The following MALRD1 variants were observed in gnomAD, a reference collection of about 807,000 sequenced individuals.
MALRD1 encodes MAM and LDL receptor class A domain containing 1, also known as MAM and LDL-receptor class A domain-containing protein 1.
Under a neutral mutation model 242.1 loss-of-function variants are expected in MALRD1, and 247 were observed. That is an observed-to-expected ratio of 1.02 (90% confidence interval 0.92 to 1.13). The LOEUF (loss-of-function observed/expected upper bound fraction) is 1.13. Ranked by LOEUF, MALRD1 falls within the 50% of genes most tolerant of loss-of-function variation. The pLI is 0.00. For missense variants in MALRD1, 2,989 were observed against 2,533.1 expected (o/e 1.18, Z -3.86); for synonymous variants, 995 against 866.6 (o/e 1.15, Z -2.60).
intron 5 of MALRD1, among the ~76,000 whole-genome samples, chr10:19,121,594 G>A (rs541436365): frequency 6.8e-6 from 1 of 146,360 alleles, no homozygotes; most frequent in South Asian, 2.2e-4. Context: ...ATCTTGTAGA[G>A]AAAGAGAACA....
chr10:19,683,476 A>C (rs1842457331), intron 36 of MALRD1, among the ~76,000 whole-genome samples: 1 of 152,188 alleles, frequency 6.6e-6, no homozygotes, highest in African/African-American at 2.4e-5. Context: ...GCAGTTCGTA[A>C]ATAGGAAACT....
At chr10:19,237,928 G>GAGTTTTATATAGTTATATACATTATAAA (rs1564491278) in intron 18 of MALRD1, among the ~76,000 whole-genome samples, 1 of 40,088 alleles carries the variant, frequency 2.5e-5, no homozygotes, top group Admixed American at 3.4e-4. Context: ...ATAATTATAT[G>GAGTTTTATATAGTTATATACATTATAAA]TAATTTTATA....
intron 38 of MALRD1, among the ~76,000 whole-genome samples, chr10:19,720,396 A>T (rs1334453385): frequency 6.6e-6 from 1 of 152,194 alleles, no homozygotes; most frequent in Non-Finnish European, 1.5e-5. Flanking sequence ...TTGTTACATT[A>T]GATTACAGTA....
At chr10:19,223,180 G>A (rs1353011402) in intron 18 of MALRD1, among the ~76,000 whole-genome samples, 1 of 152,078 alleles carries the variant, frequency 6.6e-6, no homozygotes, top group Non-Finnish European at 1.5e-5. Flanking sequence ...ATAAAATATT[G>A]TAGTTGATTA....
chr10:19,155,180 A>G lies in MALRD1; in HGVS notation c.1656+8A>G. ...GCCTCTACCCCATGTCAGGTAATCAACTGTTCTGAATTTCCACTGGCCATT... is the reference window on the plus strand; with the variant it reads ...GCCTCTACCCCATGTCAGGTAATCAGCTGTTCTGAATTTCCACTGGCCATT... On this transcript the variant is annotated splice_region_variant and intron_variant, in intron 12 of 39. Coordinates refer to ENST00000454679, the MANE Select transcript of MALRD1 (RefSeq NM_001142308.3). 2 of 1,228,960 alleles carry G rather than the reference A, an allele frequency of 1.6e-6. No homozygotes were observed. Among genetic ancestry groups the G allele is most frequent in the Non-Finnish European group, 2.0e-6 (2 of 985,524 alleles). 76.1% of individuals were successfully genotyped at this position (1,228,960 alleles called of 1,614,324 possible).
At chr10:19,670,877 TC>T (rs1841884937) in intron 36 of MALRD1, among the ~76,000 whole-genome samples, 1 of 149,014 alleles carries the variant, frequency 6.7e-6, no homozygotes, top group African/African-American at 2.5e-5. Context: ...AACAAAACAA[TC>T]ATTTTTTTTT....
At chr10:19,639,452 T>TTG (rs905847884) in intron 36 of MALRD1, among the ~76,000 whole-genome samples, 1 of 152,170 alleles carries the variant, frequency 6.6e-6, no homozygotes, top group African/African-American at 2.4e-5. Context: ...AGGCAACATT[T>TTG]CCTCAGTTCA....
At chr10:19,206,165 A>G (rs1355039915) in intron 17 of MALRD1, among the ~76,000 whole-genome samples, 1 of 151,938 alleles carries the variant, frequency 6.6e-6, no homozygotes, top group Non-Finnish European at 1.5e-5. Context: ...TACAGATGCT[A>G]ATTACAGACC....
intron 33 of MALRD1, among the ~76,000 whole-genome samples, chr10:19,572,152 T>G (rs1388594442): frequency 2.6e-5 from 4 of 152,224 alleles, no homozygotes; most frequent in African/African-American, 7.2e-5. Context: ...CTGTCCTACC[T>G]TAATTCCTTT....
chr10:19,284,370 T>G (rs1444233707), intron 21 of MALRD1, among the ~76,000 whole-genome samples: 19 of 150,192 alleles, frequency 1.3e-4, no homozygotes, highest in Admixed American at 1.1e-3. Context: ...CATCTAGCAT[T>G]AGGTATATCT....
chr10:19,160,963 T>G (rs1310597195), intron 12 of MALRD1, among the ~76,000 whole-genome samples: 1 of 151,976 alleles, frequency 6.6e-6, no homozygotes, highest in African/African-American at 2.4e-5. Context: ...TCTATTTCCT[T>G]CAGTTCTGCT....
chr10:19,142,171 CAAAAAA>C (rs529000033), intron 10 of MALRD1, among the ~76,000 whole-genome samples: 11 of 26,276 alleles, frequency 4.2e-4, no homozygotes, highest in East Asian at 2.7e-3. Context: ...GACTCTAACT[CAAAAAA>C]AAAAAAAAAA....
intron 12 of MALRD1, among the ~76,000 whole-genome samples, chr10:19,156,499 A>G (rs1266866112): frequency 6.7e-6 from 1 of 148,822 alleles, no homozygotes; most frequent in Non-Finnish European, 1.5e-5. Flanking sequence ...CTCCAGAAGC[A>G]CTTATTCTTT....
chr10:19,116,679 A>C (rs1836880443), intron 5 of MALRD1, among the ~76,000 whole-genome samples: 1 of 152,226 alleles, frequency 6.6e-6, no homozygotes, highest in South Asian at 2.1e-4. Context: ...CTTCAGTGGT[A>C]CAGACACCTT....
intron 29 of MALRD1, among the ~76,000 whole-genome samples, chr10:19,476,364 A>G (rs7919478): frequency 0.86 from 131,081 of 152,086 alleles, 56,656 homozygotes; most frequent in East Asian, 1. Flanking sequence ...TGAGACCCAG[A>G]ATAATGAGTA....
At chr10:19,549,405 G>A (rs1835383881) in intron 32 of MALRD1, among the ~76,000 whole-genome samples, 1 of 152,158 alleles carries the variant, frequency 6.6e-6, no homozygotes, top group African/African-American at 2.4e-5. Context: ...CGATCGTGCA[G>A]CAAACTTATT....
chr10:19,360,511 C>A (rs544088625), intron 26 of MALRD1, among the ~76,000 whole-genome samples: 1 of 152,202 alleles, frequency 6.6e-6, no homozygotes, highest in East Asian at 1.9e-4. Context: ...TCCCTGCTCA[C>A]TCTCATTCCC....
chr10:19,050,356 G>C (rs1220983916), intron 1 of MALRD1, among the ~76,000 whole-genome samples: 1 of 151,164 alleles, frequency 6.6e-6, no homozygotes, highest in Admixed American at 6.6e-5. Flanking sequence ...CAAAGTGCTG[G>C]GATTACAGGC....
chr10:19,444,940 C>T (rs1274533766), intron 28 of MALRD1, among the ~76,000 whole-genome samples: 1 of 152,186 alleles, frequency 6.6e-6, no homozygotes, highest in Non-Finnish European at 1.5e-5. Context: ...CTTTCAGGTA[C>T]ACCAATCAGA....
Sources: allele counts gnomAD v4.1 joint callset (sites outside exome capture counted in the v4.1 genomes callset), GRCh38; gene constraint gnomAD v4.1.1; transcripts MANE v1.5; gene names NCBI Gene and HGNC (gene_info 2026-07-23, HGNC 2026-07-21).